CSNK2B: variants seen among roughly 807,000 people sequenced by gnomAD.
CSNK2B encodes casein kinase 2 beta.
A neutral mutation model predicts 28.8 loss-of-function variants in CSNK2B; 2 were observed. That is an observed-to-expected ratio of 0.07 (90% CI 0.03 to 0.22). CSNK2B has a LOEUF of 0.22. CSNK2B is among the 10% of genes least tolerant of loss of function. The pLI, the probability that CSNK2B is intolerant of heterozygous loss-of-function variation, is 1.00. For missense variants in CSNK2B, 107 were observed against 277.9 expected (o/e 0.39, Z 4.37); for synonymous variants, 89 against 96.1 (o/e 0.93, Z 0.43).
rs925505242 is a variant in CSNK2B, at chr6:31,666,106, G to T, written c.-114G>T. Reference sequence around the variant, plus strand: ...ATTTCCACTCCCCCCACCCCACTTCGCCTGCCGCGGTCGGGTCCGCGGCCT... The same window carrying T: ...ATTTCCACTCCCCCCACCCCACTTCTCCTGCCGCGGTCGGGTCCGCGGCCT... On this transcript the variant is annotated 5_prime_UTR_variant, in exon 1 of 7. Coordinates refer to ENST00000375882, the MANE Select transcript of CSNK2B (RefSeq NM_001320.7). The T allele has an allele frequency of 1.4e-5, 14 of 990,588 alleles. No homozygotes were observed. In the African/African-American group the frequency reaches 2.1e-4, roughly 15 times the overall value. 61.4% of individuals were successfully genotyped at this position (990,588 alleles called of 1,614,324 possible). A position where few individuals can be genotyped will look rare whatever the true frequency, so the allele number is the denominator to read the frequency against.
At position 31,666,807 on chromosome 6, in the gene CSNK2B, T is replaced by C. The variant is rs1468015469; in HGVS notation, c.-11-14T>C. 6.2e-7 allele frequency: 1 copy of C among 1,607,522 alleles called. No homozygotes were observed. Among genetic ancestry groups the C allele is most frequent in the Non-Finnish European group, 8.5e-7 (1 of 1,174,886 alleles). Reference sequence around the variant, plus strand: ...AGGAGAACTTGAGCTTTACTGACACTGTTCTTTTTCTAGCTGACGTGAAGA... The same window carrying C: ...AGGAGAACTTGAGCTTTACTGACACCGTTCTTTTTCTAGCTGACGTGAAGA... On this transcript the variant is annotated splice_polypyrimidine_tract_variant and intron_variant, in intron 1 of 6. Coordinates refer to ENST00000375882, the MANE Select transcript of CSNK2B (RefSeq NM_001320.7).
At chr6:31,666,943 A>G (rs1801768486) in intron 2 of CSNK2B, 40 bp downstream of exon 2, 1 of 1,478,202 alleles carries the variant, frequency 6.8e-7, no homozygotes. Flanking sequence ...AGCTTCACAT[A>G]TCTTCCCACC....
chr6:31,666,309 C>T lies in CSNK2B; in HGVS notation c.-12+101C>T, dbSNP rs557101961. The T allele has an allele frequency of 1.3e-4, 66 of 520,506 alleles. No homozygotes were observed. The African/African-American group carries it at 1.3e-3, about 11-fold the overall frequency. 32.2% of individuals were successfully genotyped at this position (520,506 alleles called of 1,614,324 possible). On this transcript the variant is annotated intron_variant, in intron 1 of 6. Transcript: ENST00000375882. Reference sequence around the variant, plus strand: ...GGGGCGGGGGAGGAAGCGACCAGGTCCGGCACGAAGGAGGGAGAGGTGGCC... The same window carrying T: ...GGGGCGGGGGAGGAAGCGACCAGGTTCGGCACGAAGGAGGGAGAGGTGGCC...
In CSNK2B at chr6:31,669,379, T is replaced by C; in HGVS notation, c.428T>C (p.Val143Ala). 1 of 1,614,170 alleles carries C rather than the reference T, an allele frequency of 6.2e-7. No individual in the cohort carries two copies. The highest frequency in any genetic ancestry group is 8.5e-7 in the Non-Finnish European group (1 of 1,180,026). ...CTCTACTGCCCCAAGTGCATGGATG[T>C]GTACACACCCAAGTCATCAAGACAC... ...VKLYCPKCMD[V>A]YTPKSSRHHH... Residue 143 changes from valine to alanine, a missense_variant, in exon 6 of 7, where the codon GTG (valine) becomes GCG (alanine). Transcript: ENST00000375882. The surrounding 1 kb of genome is among the most constrained non-coding windows in gnomAD (Gnocchi z 4.8).
intron 3 of CSNK2B, 176 bp from the exon 4 acceptor site, chr6:31,668,363 C>T (rs753956065): frequency 1.3e-5 from 8 of 614,516 alleles, no homozygotes; most frequent in African/African-American, 3.7e-5. Flanking sequence ...GAGCTGTCTT[C>T]GTTTGATGCA....
chr6:31,669,715 C>T lies in CSNK2B; in HGVS notation c.558-121C>T, dbSNP rs560671425. The T allele has an allele frequency of 1.3e-4, 133 of 1,051,864 alleles. 3 individuals carry two copies. In the South Asian group the frequency reaches 1.8e-3, roughly 15 times the overall value. The allele number at this position is 1,051,864 out of a possible 1,614,324, so 65.2% of individuals were successfully genotyped here. A position where few individuals can be genotyped will look rare whatever the true frequency, so the allele number is the denominator to read the frequency against. On this transcript the variant is annotated intron_variant, in intron 6 of 6. Coordinates refer to ENST00000375882, the MANE Select transcript of CSNK2B (RefSeq NM_001320.7). This position sits in a 1 kb window ranked among gnomAD's most constrained non-coding sequence, Gnocchi z 4.8. Reference sequence around the variant, plus strand: ...TCTTGAGCTGAGAAGTTGGGAACCACGAGGCTTTAGCTCTGAGCAGGTCCA... The same window carrying T: ...TCTTGAGCTGAGAAGTTGGGAACCATGAGGCTTTAGCTCTGAGCAGGTCCA...
At position 31,667,984 on chromosome 6, in the gene CSNK2B, A is replaced by G. The variant is rs1370476800; in HGVS notation, c.175+14A>G. ...ACCTGGAGCCTGGTGAGGCACCCTCAGGGTTGTTTTGTGTGTGTGCGTGCA... is the reference window on the plus strand; with the variant it reads ...ACCTGGAGCCTGGTGAGGCACCCTCGGGGTTGTTTTGTGTGTGTGCGTGCA... On this transcript the variant is annotated intron_variant, in intron 3 of 6. Transcript: ENST00000375882. The G allele has an allele frequency of 1.3e-6, 2 of 1,579,030 alleles. No homozygotes were observed. Among genetic ancestry groups the G allele is most frequent in the Non-Finnish European group, 1.7e-6 (2 of 1,149,620 alleles).
chr6:31,667,090 T>C, intron 2 of CSNK2B, 187 bp downstream of exon 2: 1 of 702,748 alleles, frequency 1.4e-6, no homozygotes, highest in Non-Finnish European at 2.6e-6. Flanking sequence ...AAGTCCTGAG[T>C]CTGCCACCGT....
At chr6:31,666,467 G>T (rs887185874) in intron 1 of CSNK2B, 9 of 310,758 alleles carry the variant, frequency 2.9e-5, no homozygotes, top group African/African-American at 1.9e-4. Context: ...AGGCGTGGGG[G>T]TCATGCAGAG....
intron 2 of CSNK2B, 43 bp from the exon 3 acceptor site, chr6:31,667,825 G>C: frequency 8.3e-7 from 1 of 1,204,580 alleles, no homozygotes; most frequent in Non-Finnish European, 1.2e-6. Context: ...TCAAAGATGA[G>C]GATTTTGATA....
chr6:31,668,620 G>A lies in CSNK2B; in HGVS notation c.257G>A (p.Arg86His), dbSNP rs372125807. Residue 86 changes from arginine to histidine, a missense_variant, in exon 4 of 7, where the codon CGC becomes CAC. Arg to His is a conservative substitution (Grantham distance 29, BLOSUM62 0). Coordinates refer to ENST00000375882, the MANE Select transcript of CSNK2B (RefSeq NM_001320.7). ...ATGCTTTATGGATTGATCCACGCCC[G>A]CTACATCCTTACCAACCGTGGCATC... ...AEMLYGLIHA[R>H]YILTNRGIAQ... 3.1e-6 allele frequency: 5 copies of A among 1,612,936 alleles called. No homozygotes were observed. Among genetic ancestry groups the A allele is most frequent in the African/African-American group, 1.3e-5 (1 of 74,906 alleles).
Position 31,669,713 on chromosome 6 carries a change from C to A in CSNK2B, c.558-123C>A. 2 of 1,046,204 alleles carry A rather than the reference C, an allele frequency of 1.9e-6. No individual in the cohort carries two copies. The highest frequency in any genetic ancestry group is 2.8e-6 in the Non-Finnish European group (2 of 723,460). The allele number at this position is 1,046,204 out of a possible 1,614,324, so 64.8% of individuals were successfully genotyped here. A position where few individuals can be genotyped will look rare whatever the true frequency, so the allele number is the denominator to read the frequency against. On this transcript the variant is annotated intron_variant, in intron 6 of 6. Coordinates refer to ENST00000375882, the MANE Select transcript of CSNK2B (RefSeq NM_001320.7). This position sits in a 1 kb window ranked among gnomAD's most constrained non-coding sequence, Gnocchi z 4.8. ...GTTCTTGAGCTGAGAAGTTGGGAAC[C>A]ACGAGGCTTTAGCTCTGAGCAGGTC...
Position 31,669,128 on chromosome 6 carries a change from A to C in CSNK2B, c.323A>C (p.Tyr108Ser). 1 of 1,613,390 alleles carries C rather than the reference A, an allele frequency of 6.2e-7. No individual in the cohort carries two copies. The highest frequency in any genetic ancestry group is 8.5e-7 in the Non-Finnish European group (1 of 1,179,968). Residue 108 changes from tyrosine (Y) to serine (S), a missense_variant, in exon 5 of 7, where the codon TAC (tyrosine) becomes TCC (serine). Transcript: ENST00000375882. The surrounding 1 kb of genome is among the most constrained non-coding windows in gnomAD (Gnocchi z 4.8). ...LEKYQQGDFGYCPRVYCENQP... is the reference protein window; with the variant it reads ...LEKYQQGDFGSCPRVYCENQP... ...AAGTACCAGCAAGGAGACTTTGGTT[A>C]CTGTCCTCGTGTGTACTGTGAGAAC...
intron 3 of CSNK2B, 199 bp from the exon 4 acceptor site, chr6:31,668,340 T>C (rs1275719187): frequency 1.7e-6 from 1 of 605,636 alleles, no homozygotes. Flanking sequence ...TGAAAAGGTG[T>C]GAAGGGAAGG....
chr6:31,670,016 A>G lies in CSNK2B; in HGVS notation c.*90A>G, dbSNP rs1802073788. ...CCCTGTATGGTTTTTAGTTTAAATTAAAGGAGTCGTTATCGTGGTGGGAAT... is the reference window on the plus strand; with the variant it reads ...CCCTGTATGGTTTTTAGTTTAAATTGAAGGAGTCGTTATCGTGGTGGGAAT... On this transcript the variant is annotated 3_prime_UTR_variant, in exon 7 of 7. Transcript: ENST00000375882. 3.8e-6 allele frequency: 4 copies of G among 1,060,226 alleles called. No individual in the cohort carries two copies. Among genetic ancestry groups the G allele is most frequent in the South Asian group, 1.6e-5 (1 of 62,676 alleles). 65.7% of individuals were successfully genotyped at this position (1,060,226 alleles called of 1,614,324 possible).
At position 31,669,381 on chromosome 6, in the gene CSNK2B, T is replaced by G; in HGVS notation, c.430T>G (p.Tyr144Asp). 1 of 1,614,186 alleles carries G rather than the reference T, an allele frequency of 6.2e-7. No individual in the cohort carries two copies. Among genetic ancestry groups the G allele is most frequent in the Non-Finnish European group, 8.5e-7 (1 of 1,180,036 alleles). The change falls in exon 6 of 7, where the codon TAC becomes GAC. Residue 144 changes from tyrosine to aspartate, a missense_variant. By Grantham distance (160) the Tyr-to-Asp change is radical. Transcript: ENST00000375882. The surrounding 1 kb of genome is among the most constrained non-coding windows in gnomAD (Gnocchi z 4.8). ...CTACTGCCCCAAGTGCATGGATGTG[T>G]ACACACCCAAGTCATCAAGACACCA... ...KLYCPKCMDV[Y>D]TPKSSRHHHT...
rs988723342 is a variant in CSNK2B at position 31,666,310 on chromosome 6, C to T, written c.-12+102C>T. The T allele has an allele frequency of 3.4e-5, 17 of 506,130 alleles. No homozygotes were observed. In the East Asian group the frequency reaches 7.2e-4, roughly 22 times the overall value. The allele number at this position is 506,130 out of a possible 1,614,324, so 31.4% of individuals were successfully genotyped here. A position where few individuals can be genotyped will look rare whatever the true frequency, so the allele number is the denominator to read the frequency against. On this transcript the variant is annotated intron_variant, in intron 1 of 6. Coordinates refer to ENST00000375882, the MANE Select transcript of CSNK2B (RefSeq NM_001320.7). ...GGGCGGGGGAGGAAGCGACCAGGTCCGGCACGAAGGAGGGAGAGGTGGCCT... is the reference window on the plus strand; with the variant it reads ...GGGCGGGGGAGGAAGCGACCAGGTCTGGCACGAAGGAGGGAGAGGTGGCCT...
chr6:31,669,629 C>T lies in CSNK2B; in HGVS notation c.557+121C>T. The T allele has an allele frequency of 5.2e-6, 6 of 1,156,662 alleles. No individual in the cohort carries two copies. The South Asian group carries it at 5.8e-5, about 11-fold the overall frequency. The allele number at this position is 1,156,662 out of a possible 1,614,324, so 71.6% of individuals were successfully genotyped here. A position where few individuals can be genotyped will look rare whatever the true frequency, so the allele number is the denominator to read the frequency against. Reference sequence around the variant, plus strand: ...CTCCCAGAATCAGGGCATCTCCCTGCTGAGTGACTGTGGGAAAGTTATTTG... The same window carrying T: ...CTCCCAGAATCAGGGCATCTCCCTGTTGAGTGACTGTGGGAAAGTTATTTG... On this transcript the variant is annotated intron_variant, in intron 6 of 6. Transcript: ENST00000375882. The surrounding 1 kb of genome is among the most constrained non-coding windows in gnomAD (Gnocchi z 4.8).
chr6:31,669,747 A>C lies in CSNK2B; in HGVS notation c.558-89A>C. 8.3e-7 allele frequency: 1 copy of C among 1,198,654 alleles called. No homozygotes were observed. Among genetic ancestry groups the C allele is most frequent in the Non-Finnish European group, 1.2e-6 (1 of 843,784 alleles). 74.3% of individuals were successfully genotyped at this position (1,198,654 alleles called of 1,614,324 possible). A position where few individuals can be genotyped will look rare whatever the true frequency, so the allele number is the denominator to read the frequency against. ...TTAGCTCTGAGCAGGTCCATAGAGG[A>C]GCTCAGGTGGGGAGGTGGGAATGCA... On this transcript the variant is annotated intron_variant, in intron 6 of 6. Transcript: ENST00000375882. The surrounding 1 kb of genome is among the most constrained non-coding windows in gnomAD (Gnocchi z 4.8).
Sources: allele counts gnomAD v4.1 joint callset, GRCh38; gene constraint gnomAD v4.1.1; non-coding constraint Gnocchi (gnomAD v3.1); transcripts MANE v1.5; gene names NCBI Gene and HGNC (gene_info 2026-07-23, HGNC 2026-07-21).